VAT1L: variants seen among roughly 807,000 people sequenced by gnomAD.
VAT1L encodes the protein vesicle amine transport 1 like, also known as putative NADPH-dependent quinone oxidoreductase VAT1L.
A neutral mutation model predicts 44.1 loss-of-function variants in VAT1L; 34 were observed. The ratio of observed to expected loss-of-function variants is 0.77; its 90% CI spans 0.59 to 1.03. The LOEUF is 1.03. Ranked by LOEUF, VAT1L falls within the 50% of genes least tolerant of loss-of-function variation. The probability of loss-of-function intolerance (pLI) is 0.00; values close to 1 mark genes in which losing one functional copy is unlikely to be tolerated. For synonymous variants in VAT1L, 253 were observed against 202.2 expected (o/e 1.25, Z -2.13); for missense variants, 615 against 538.8 (o/e 1.14, Z -1.40).
chr16:77,793,438 G>C (rs1458736291), intron 1 of VAT1L, among the ~76,000 whole-genome samples: 1 of 152,174 alleles, frequency 6.6e-6, no homozygotes, highest in African/African-American at 2.4e-5. Context: ...GGCAAACCAA[G>C]GTGTATGGTT....
chr16:77,851,231 G>T (rs1166694293), intron 3 of VAT1L, among the ~76,000 whole-genome samples: 4 of 152,164 alleles, frequency 2.6e-5, no homozygotes, highest in Non-Finnish European at 4.4e-5. Flanking sequence ...GTTACAGATT[G>T]AACCTTTCCA....
At chr16:77,932,828 A>C (rs189624149) in intron 7 of VAT1L, among the ~76,000 whole-genome samples, 241 of 152,352 alleles carry the variant, frequency 1.6e-3, no homozygotes, top group Middle Eastern at 3.4e-3. Flanking sequence ...AGAAATCCAA[A>C]GGGAAAAAAC....
At chr16:77,867,387 T>TA (rs1380049562) in intron 4 of VAT1L, among the ~76,000 whole-genome samples, 1 of 152,156 alleles carries the variant, frequency 6.6e-6, no homozygotes, top group African/African-American at 2.4e-5. Flanking sequence ...AACCTGCCTT[T>TA]AAAAAAATCA....
Position 77,975,194 on chromosome 16 carries a change from C to CTTTTTTTTTTTTTTTT in VAT1L, c.1162-2384_1162-2369dup, listed in dbSNP as rs35017686. Among the ~76,000 whole-genome samples, 34 of 39,862 alleles carry CTTTTTTTTTTTTTTTT rather than the reference C, an allele frequency of 8.5e-4. 3 individuals are homozygous for CTTTTTTTTTTTTTTTT. Among genetic ancestry groups the CTTTTTTTTTTTTTTTT allele is most frequent in the Non-Finnish European group, 1.0e-3 (24 of 23,712 alleles). 26.2% of individuals were successfully genotyped at this position (39,862 alleles called of 152,430 possible). A position where few individuals can be genotyped will look rare whatever the true frequency, so the allele number is the denominator to read the frequency against. On this transcript the variant is annotated intron_variant, in intron 8 of 8. Transcript: ENST00000302536. ...GTGCTTTCTCCTACTGGAATGACCACTTTTTTTTTTTTTTTTTTTTTTTTT... is the reference window on the plus strand; with the variant it reads ...GTGCTTTCTCCTACTGGAATGACCACTTTTTTTTTTTTTTTTTTTTTTTTTTTTTTTTTTTTTTTTT...
At chr16:77,801,096 T>C (rs2016041288) in intron 1 of VAT1L, 1 of 152,256 alleles carries the variant, frequency 6.6e-6, no homozygotes, top group African/African-American at 2.4e-5. Flanking sequence ...ACCAAATTGC[T>C]GGGGTTACAA....
intron 3 of VAT1L, among the ~76,000 whole-genome samples, chr16:77,835,115 G>A (rs1228072165): frequency 1.3e-5 from 2 of 151,910 alleles, no homozygotes; most frequent in Non-Finnish European, 2.9e-5. Context: ...TTCTTTTTGT[G>A]TCTGGTTCCT....
chr16:77,850,205 A>G (rs184104822), intron 3 of VAT1L, among the ~76,000 whole-genome samples: 12 of 152,304 alleles, frequency 7.9e-5, no homozygotes, highest in Non-Finnish European at 1.2e-4. Flanking sequence ...TAAAGACAGG[A>G]GTAGGGGACA....
intron 7 of VAT1L, among the ~76,000 whole-genome samples, chr16:77,947,062 T>C (rs1231087898): frequency 6.6e-6 from 1 of 152,204 alleles, no homozygotes; most frequent in Non-Finnish European, 1.5e-5. Flanking sequence ...AGGAAAACAC[T>C]CAGCTAATAG....
Position 77,879,747 on chromosome 16 carries a change from A to T in VAT1L, c.882+523A>T, listed in dbSNP as rs1298349896. On this transcript the variant is annotated intron_variant, in intron 6 of 8. Coordinates refer to ENST00000302536, the MANE Select transcript of VAT1L (RefSeq NM_020927.3). The surrounding 1 kb of genome is among the most constrained non-coding windows in gnomAD (Gnocchi z 4.1). ...AACAGAGAGGTGGGAGTGTCAGAGA[A>T]ACTCAAGAAAGCTACAGCTTTATTT... 1.3e-5 allele frequency among the ~76,000 whole-genome samples: 2 copies of T among 152,358 alleles called. No individual in the cohort carries two copies. Among genetic ancestry groups the T allele is most frequent in the East Asian group, 3.9e-4 (2 of 5,176 alleles).
At chr16:77,901,595 T>C (rs1057111081) in intron 7 of VAT1L, among the ~76,000 whole-genome samples, 2 of 152,176 alleles carry the variant, frequency 1.3e-5, no homozygotes, top group African/African-American at 4.8e-5. Context: ...TCAGAGCAGG[T>C]GGAATACATT....
intron 7 of VAT1L, among the ~76,000 whole-genome samples, chr16:77,920,812 T>C (rs2017603640): frequency 6.6e-6 from 1 of 152,160 alleles, no homozygotes; most frequent in Non-Finnish European, 1.5e-5. Flanking sequence ...CCTAGGTGTA[T>C]GGTAGGCTAT....
At position 77,876,407 on chromosome 16, in the gene VAT1L, C is replaced by T; in HGVS notation, c.760C>T (p.Leu254Phe). The T allele has an allele frequency of 6.2e-7, 1 of 1,614,152 alleles. No individual in the cohort carries two copies. Among genetic ancestry groups the T allele is most frequent in the South Asian group, 1.1e-5 (1 of 91,074 alleles). Residue 254 changes from leucine (L) to phenylalanine (F), a missense_variant, in exon 5 of 9, where the codon CTC (leucine) becomes TTC (phenylalanine). Transcript: ENST00000302536. ...AEGVDIVLDC[L>F]CGDNTGKGLS... is the part of the protein sequence containing the mutation. The stretch of plus-strand genomic sequence containing the variant: ...AGGTGTGGACATCGTTTTGGATTGC[C>T]TCTGTGGGGACAACACTGGAAAAGG...
chr16:77,879,314 C>CGCTGTCTCAA lies in VAT1L; in HGVS notation c.882+90_882+91insGCTGTCTCAA. 2 of 1,423,220 alleles carry CGCTGTCTCAA rather than the reference C, an allele frequency of 1.4e-6. No individual in the cohort carries two copies. The highest frequency in any genetic ancestry group is 2.0e-6 in the Non-Finnish European group (2 of 1,009,048). 88.2% of individuals were successfully genotyped at this position (1,423,220 alleles called of 1,614,324 possible). A position where few individuals can be genotyped will look rare whatever the true frequency, so the allele number is the denominator to read the frequency against. ...TTTTGTTTGTTTGTTTGTTTTGAGA[C>CGCTGTCTCAA]AGCGTCTCGTTCTGTCACCAGGCTG... is the stretch of plus-strand genomic sequence containing the variant. On this transcript the variant is annotated intron_variant, in intron 6 of 8. Coordinates refer to ENST00000302536, the MANE Select transcript of VAT1L (RefSeq NM_020927.3). The surrounding 1 kb of genome is among the most constrained non-coding windows in gnomAD (Gnocchi z 4.1).
intron 3 of VAT1L, among the ~76,000 whole-genome samples, chr16:77,834,205 C>G (rs1217597517): frequency 6.6e-6 from 1 of 152,178 alleles, no homozygotes. Flanking sequence ...TTCTCTTTCT[C>G]TCTCTCTCTG....
intron 2 of VAT1L, among the ~76,000 whole-genome samples, chr16:77,824,891 G>C (rs1269786290): frequency 8.8e-6 from 1 of 113,658 alleles, no homozygotes; most frequent in African/African-American, 3.4e-5. Context: ...TTTGGAGGCA[G>C]AGTCTTGCTT....
chr16:77,888,627 G>A (rs2017232247), intron 7 of VAT1L, among the ~76,000 whole-genome samples: 1 of 152,166 alleles, frequency 6.6e-6, no homozygotes. Context: ...TAATTTTTTT[G>A]CTGGGTAGGG....
At chr16:77,972,046 G>A (rs962353061) in intron 8 of VAT1L, 113 bp downstream of exon 8, 11 of 934,080 alleles carry the variant, frequency 1.2e-5, no homozygotes, top group Middle Eastern at 2.2e-4. Flanking sequence ...TGGGCTAGTG[G>A]AGGAGACCAG....
rs571415954 is a variant in VAT1L, at chr16:77,839,501, A to C, written c.579+14040A>C. Among the ~76,000 whole-genome samples, 7 of 128,814 alleles carry C rather than the reference A, an allele frequency of 5.4e-5. No individual in the cohort carries two copies. The South Asian group carries it at 1.9e-3, about 36-fold the overall frequency. The allele number at this position is 128,814 out of a possible 152,430, so 84.5% of individuals were successfully genotyped here. Reference sequence around the variant, plus strand: ...CAGTGAGCCGAAATCGCGCCACTGCACTCCAGCCTGGGCGACAGAGAGATA... The same window carrying C: ...CAGTGAGCCGAAATCGCGCCACTGCCCTCCAGCCTGGGCGACAGAGAGATA... On this transcript the variant is annotated intron_variant, in intron 3 of 8. Coordinates refer to ENST00000302536, the MANE Select transcript of VAT1L (RefSeq NM_020927.3).
At chr16:77,895,977 G>A (rs1308618423) in intron 7 of VAT1L, among the ~76,000 whole-genome samples, 1 of 152,200 alleles carries the variant, frequency 6.6e-6, no homozygotes, top group Non-Finnish European at 1.5e-5. Context: ...GCAAAGGCCT[G>A]GAAGTTGGAG....
Sources: allele counts gnomAD v4.1 joint callset (sites outside exome capture counted in the v4.1 genomes callset), GRCh38; gene constraint gnomAD v4.1.1; non-coding constraint Gnocchi (gnomAD v3.1); transcripts MANE v1.5; gene names NCBI Gene and HGNC (gene_info 2026-07-23, HGNC 2026-07-21).